The following OR10J1 variants were observed in gnomAD, a reference collection of about 807,000 sequenced individuals.
The protein encoded by OR10J1 is olfactory receptor 10J1.
For synonymous variants in OR10J1, 202 were observed against 143.8 expected (o/e 1.40, Z -2.89); for missense variants, 474 against 376.6 (o/e 1.26, Z -2.14).
At chr1:159,436,412 T>C (rs1273194613), upstream of OR10J1, among the ~76,000 whole-genome samples, 1 of 152,118 alleles carries the variant, frequency 6.6e-6, no homozygotes, top group Non-Finnish European at 1.5e-5. Context: ...GCCCTATTGA[T>C]TTCCCTCAAA....
chr1:159,417,060 CTA>C, the OR10J1 span, among the ~76,000 whole-genome samples: 1 of 151,876 alleles, frequency 6.6e-6, no homozygotes, highest in East Asian at 1.9e-4. Context: ...TTTTAGGTCT[CTA>C]TTTCATTTAG....
the OR10J1 span, among the ~76,000 whole-genome samples, chr1:159,430,415 A>G: frequency 6.6e-6 from 1 of 152,142 alleles, no homozygotes; most frequent in African/African-American, 2.4e-5. Context: ...TAGAGAGGTG[A>G]TAACTGTTTC....
At chr1:159,422,888 A>G in the OR10J1 span, among the ~76,000 whole-genome samples, 1 of 152,148 alleles carries the variant, frequency 6.6e-6, no homozygotes, top group Non-Finnish European at 1.5e-5. Flanking sequence ...CTGCCAGCAG[A>G]TCCCAGCTGA....
the OR10J1 span, among the ~76,000 whole-genome samples, chr1:159,414,886 A>C: frequency 2.0e-5 from 3 of 152,034 alleles, no homozygotes; most frequent in African/African-American, 7.2e-5. Flanking sequence ...TTCTTTTGAA[A>C]AATGTCTATT....
At chr1:159,429,809 A>G in the OR10J1 span, among the ~76,000 whole-genome samples, 200 of 152,266 alleles carry the variant, frequency 1.3e-3, 1 homozygote, top group Non-Finnish European at 1.7e-3. Context: ...TTACTCCCAG[A>G]TCTGACTGAT....
chr1:159,429,637 G>A, the OR10J1 span, among the ~76,000 whole-genome samples: 1 of 152,304 alleles, frequency 6.6e-6, no homozygotes, highest in Admixed American at 6.5e-5. Flanking sequence ...TTTGGATTGT[G>A]CTATTGCTGC....
the OR10J1 span, among the ~76,000 whole-genome samples, chr1:159,404,816 C>A: frequency 3.3e-5 from 5 of 152,058 alleles, no homozygotes; most frequent in Non-Finnish European, 2.9e-5. Context: ...ATTTTCAGGT[C>A]TAAGATAGGG....
the OR10J1 span, among the ~76,000 whole-genome samples, chr1:159,428,415 C>T: frequency 5.0e-3 from 765 of 152,204 alleles, 10 homozygotes; most frequent in African/African-American, 0.017. Flanking sequence ...ATTTCAGTAT[C>T]GGGTTTCCTT....
chr1:159,440,737 T>A lies in OR10J1; in HGVS notation c.*16T>A. Reference sequence around the variant, plus strand: ...GTTTTCCTGACCATGTAGGAAGAGTTCTCCTGAGGCTGTCAACATCCACAC... The same window carrying A: ...GTTTTCCTGACCATGTAGGAAGAGTACTCCTGAGGCTGTCAACATCCACAC... On this transcript the variant is annotated 3_prime_UTR_variant, in exon 1 of 1. Coordinates refer to ENST00000423932, the MANE Select transcript of OR10J1 (RefSeq NM_012351.3). The A allele has an allele frequency of 6.3e-7, 1 of 1,598,310 alleles. No homozygotes were observed. The highest frequency in any genetic ancestry group is 8.5e-7 in the Non-Finnish European group (1 of 1,169,744).
At chr1:159,401,640 A>T in the OR10J1 span, among the ~76,000 whole-genome samples, 1 of 152,062 alleles carries the variant, frequency 6.6e-6, no homozygotes, top group Non-Finnish European at 1.5e-5. Context: ...CCAGGACCTG[A>T]TGGCTTCACT....
Position 159,440,529 on chromosome 1 carries a change from G to A in OR10J1, c.738G>A (p.Val246=), listed in dbSNP as rs1402912983. ...AFATCASHLT[V]VIVHYSCASI... ...CCACCTGTGCATCCCACCTCACTGT[G>A]GTCATTGTCCACTACAGCTGTGCCT... is the stretch of plus-strand genomic sequence containing the variant. The change falls in exon 1 of 1, where the codon GTG becomes GTA. Residue 246 remains valine, a synonymous_variant. Coordinates refer to ENST00000423932, the MANE Select transcript of OR10J1 (RefSeq NM_012351.3). 1.2e-6 allele frequency: 2 copies of A among 1,614,060 alleles called. No individual in the cohort carries two copies. The highest frequency in any genetic ancestry group is 1.7e-6 in the Non-Finnish European group (2 of 1,179,998).
the OR10J1 span, chr1:159,432,620 A>G: frequency 2.2e-6 from 1 of 461,626 alleles, no homozygotes; most frequent in Non-Finnish European, 3.9e-6. Context: ...TCATGGGCAA[A>G]AAGGCTTGTA....
upstream of OR10J1, among the ~76,000 whole-genome samples, chr1:159,436,440 C>G (rs1438901354): frequency 6.6e-6 from 1 of 152,014 alleles, no homozygotes; most frequent in Non-Finnish European, 1.5e-5. Flanking sequence ...CACATGTATC[C>G]CTCCCCTCTG....
At chr1:159,430,640 G>GTGTGTGT in the OR10J1 span, among the ~76,000 whole-genome samples, 6 of 140,828 alleles carry the variant, frequency 4.3e-5, no homozygotes, top group Non-Finnish European at 7.6e-5. Flanking sequence ...AAAAAATTAT[G>GTGTGTGT]GTGTGTGTGT....
At chr1:159,435,673 C>T (rs547706386), upstream of OR10J1, among the ~76,000 whole-genome samples, 3 of 152,050 alleles carry the variant, frequency 2.0e-5, no homozygotes, top group Admixed American at 6.6e-5. Context: ...GAGCCCTATC[C>T]GGGGCCCTGA....
rs1655870081 is a variant in OR10J1 at position 159,439,957 on chromosome 1, C to T, written c.166C>T (p.His56Tyr). Reference protein sequence around the residue: ...VTIIRMDLHLHTPMYFFLSML... With the variant: ...VTIIRMDLHLYTPMYFFLSML... ...CATCATCCGAATGGATCTTCATCTT[C>T]ACACACCCATGTACTTCTTCCTGAG... is the stretch of plus-strand genomic sequence containing the variant. Residue 56 changes from histidine to tyrosine, a missense_variant, in exon 1 of 1, where the codon CAC (histidine) becomes TAC (tyrosine). Physicochemically the swap from His to Tyr is moderately conservative, Grantham distance 83. Transcript: ENST00000423932. 2 of 1,614,018 alleles carry T rather than the reference C, an allele frequency of 1.2e-6. No individual in the cohort carries two copies. Among genetic ancestry groups the T allele is most frequent in the Non-Finnish European group, 1.7e-6 (2 of 1,179,912 alleles).
the OR10J1 span, chr1:159,405,907 G>A: frequency 3.6e-6 from 2 of 553,372 alleles, no homozygotes; most frequent in Non-Finnish European, 3.4e-6. Flanking sequence ...TTGGACAATA[G>A]CCATGCCCAG....
the OR10J1 span, among the ~76,000 whole-genome samples, chr1:159,420,547 C>A: frequency 6.6e-6 from 1 of 151,998 alleles, no homozygotes; most frequent in African/African-American, 2.4e-5. Flanking sequence ...CTTTTGCTAC[C>A]AGGCATAGGA....
chr1:159,438,732 C>T (rs759960349), upstream of OR10J1, among the ~76,000 whole-genome samples: 2 of 152,182 alleles, frequency 1.3e-5, no homozygotes, highest in Non-Finnish European at 2.9e-5. Flanking sequence ...TGCAAAACTT[C>T]TCTTTCTGAA....
Sources: allele counts gnomAD v4.1 joint callset (sites outside exome capture counted in the v4.1 genomes callset), GRCh38; gene constraint gnomAD v4.1.1; transcripts MANE v1.5; gene names NCBI Gene and HGNC (gene_info 2026-07-23, HGNC 2026-07-21).